Variants in MYADM observed in about 807,000 individuals in gnomAD.
The protein encoded by MYADM is myeloid-associated differentiation marker.
For synonymous variants in MYADM, 224 were observed against 210.2 expected (o/e 1.07, Z -0.57); for missense variants, 416 against 443.4 (o/e 0.94, Z 0.56).
In MYADM at chr19:53,874,776, T is replaced by A; in HGVS notation, c.*278T>A. 1 of 177,968 alleles carries A rather than the reference T, an allele frequency of 5.6e-6. No individual in the cohort carries two copies. The highest frequency in any genetic ancestry group is 7.1e-5 in the Admixed American group (1 of 14,056). 11.0% of individuals were successfully genotyped at this position (177,968 alleles called of 1,614,324 possible). A position where few individuals can be genotyped will look rare whatever the true frequency, so the allele number is the denominator to read the frequency against. ...GCTGTTTCTCTTTTTCTTTTCTTTT[T>A]TTTTTTTTTTTTTTTTTAAGACGGA... On this transcript the variant is annotated 3_prime_UTR_variant, in exon 3 of 3. Coordinates refer to ENST00000391770, the MANE Select transcript of MYADM (RefSeq NM_138373.5).
rs3835132 is a variant in MYADM at position 53,875,199 on chromosome 19, C to CGTGTGTGTGTGTGTGTGT, written c.*716_*733dup. The CGTGTGTGTGTGTGTGTGT allele has an allele frequency of 5.2e-4, 70 of 135,688 alleles. 4 individuals are homozygous for CGTGTGTGTGTGTGTGTGT. Among genetic ancestry groups the CGTGTGTGTGTGTGTGTGT allele is most frequent in the African/African-American group, 2.2e-3 (65 of 29,412 alleles). 8.4% of individuals were successfully genotyped at this position (135,688 alleles called of 1,614,324 possible). A position where few individuals can be genotyped will look rare whatever the true frequency, so the allele number is the denominator to read the frequency against. Reference sequence around the variant, plus strand: ...CTCGCTGTGCCTTAGTCAGTGTGTACGTGTGTGTGTGTGTGTGTGTGTGTG... The same window carrying CGTGTGTGTGTGTGTGTGT: ...CTCGCTGTGCCTTAGTCAGTGTGTACGTGTGTGTGTGTGTGTGTGTGTGTGTGTGTGTGTGTGTGTGTG... On this transcript the variant is annotated 3_prime_UTR_variant, in exon 3 of 3. Coordinates refer to ENST00000391770, the MANE Select transcript of MYADM (RefSeq NM_138373.5).
chr19:53,867,800 C>A, upstream of MYADM: 1 of 152,990 alleles, frequency 6.5e-6, no homozygotes, highest in South Asian at 1.9e-4. Context: ...GTCCACCGCC[C>A]TAGCCGGAGC....
In MYADM at chr19:53,874,696, C is replaced by T. The variant is rs888200062; in HGVS notation, c.*198C>T. 2 of 505,446 alleles carry T rather than the reference C, an allele frequency of 4.0e-6. No homozygotes were observed. The highest frequency in any genetic ancestry group is 4.6e-5 in the South Asian group (1 of 21,958). 31.3% of individuals were successfully genotyped at this position (505,446 alleles called of 1,614,324 possible). On this transcript the variant is annotated 3_prime_UTR_variant, in exon 3 of 3. Coordinates refer to ENST00000391770, the MANE Select transcript of MYADM (RefSeq NM_138373.5). ...ATGCATCTTCTTCCTTCCCTTTCCT[C>T]TTGCTGTTTCCTTCCTGTGTTGTTT...
intron 2 of MYADM, among the ~76,000 whole-genome samples, chr19:53,871,302 G>A (rs2068381815): frequency 6.6e-6 from 1 of 152,178 alleles, no homozygotes; most frequent in South Asian, 2.1e-4. Flanking sequence ...GGTTCCTACT[G>A]GACAGTTGGA....
rs138215861 is a variant in MYADM, at chr19:53,873,199, G to C, written c.-2-329G>C. ...ATCCTGGCTAACACAGTGAAACCCC[G>C]TCTCTACTAAAAATACAAAAAAATT... On this transcript the variant is annotated intron_variant, in intron 2 of 2. Coordinates refer to ENST00000391770, the MANE Select transcript of MYADM (RefSeq NM_138373.5). The surrounding 1 kb of genome is among the most constrained non-coding windows in gnomAD (Gnocchi z 4.3). Among the ~76,000 whole-genome samples the C allele has an allele frequency of 6.6e-6, 1 of 152,014 alleles. No individual in the cohort carries two copies. The highest frequency in any genetic ancestry group is 1.5e-5 in the Non-Finnish European group (1 of 68,006).
At chr19:53,866,322 C>T (rs2068244209), upstream of MYADM, 1 of 151,972 alleles carries the variant, frequency 6.6e-6, no homozygotes, top group Non-Finnish European at 1.5e-5. This position sits in a 1 kb window ranked among gnomAD's most constrained non-coding sequence, Gnocchi z 4.3. Flanking sequence ...AGACGCGCCC[C>T]GTTAGCTCAG....
In MYADM at chr19:53,874,322, G is replaced by C. The variant is rs377284445; in HGVS notation, c.793G>C (p.Glu265Gln). Residue 265 changes from glutamate to glutamine, a missense_variant, in exon 3 of 3, where the codon GAG becomes CAG. Physicochemically the swap from Glu to Gln is conservative, Grantham distance 29 (BLOSUM62 2). Coordinates refer to ENST00000391770, the MANE Select transcript of MYADM (RefSeq NM_138373.5). Reference protein sequence around the residue: ...LVLWPLYQFDEKYGGQPRRSR... With the variant: ...LVLWPLYQFDQKYGGQPRRSR... Reference sequence around the variant, plus strand: ...TCTCTGGCCCCTCTACCAGTTCGATGAGAAGTATGGCGGCCAGCCTCGGCG... The same window carrying C: ...TCTCTGGCCCCTCTACCAGTTCGATCAGAAGTATGGCGGCCAGCCTCGGCG... The C allele has an allele frequency of 1.1e-5, 18 of 1,612,472 alleles. No individual in the cohort carries two copies. Among genetic ancestry groups the C allele is most frequent in the African/African-American group, 1.3e-5 (1 of 75,044 alleles).
upstream of MYADM, among the ~76,000 whole-genome samples, chr19:53,867,650 G>A (rs2068265023): frequency 6.6e-6 from 1 of 152,178 alleles, no homozygotes; most frequent in Admixed American, 6.5e-5. Flanking sequence ...TTGTCACCAC[G>A]GCAACCGTGA....
rs1375950556 is a variant in MYADM, at chr19:53,876,051, A to G, written c.*1553A>G. On this transcript the variant is annotated 3_prime_UTR_variant, in exon 3 of 3. Transcript: ENST00000391770. The stretch of plus-strand genomic sequence containing the variant: ...TTGTTTTTCTTTCTTTTTCCTGGCC[A>G]TGAGGACAAAAATTACTGAGTGGCC... 1 of 166,996 alleles carries G rather than the reference A, an allele frequency of 6.0e-6. No individual in the cohort carries two copies. Among genetic ancestry groups the G allele is most frequent in the East Asian group, 1.9e-4 (1 of 5,194 alleles). The allele number at this position is 166,996 out of a possible 1,614,324, so 10.3% of individuals were successfully genotyped here. A position where few individuals can be genotyped will look rare whatever the true frequency, so the allele number is the denominator to read the frequency against.
chr19:53,867,511 A>G (rs1461413547), upstream of MYADM, among the ~76,000 whole-genome samples: 1 of 152,110 alleles, frequency 6.6e-6, no homozygotes, highest in African/African-American at 2.4e-5. Flanking sequence ...TGCACTAAAC[A>G]AACCCTAAAC....
At position 53,874,570 on chromosome 19, in the gene MYADM, ACTT is replaced by A; in HGVS notation, c.*76_*78del. On this transcript the variant is annotated 3_prime_UTR_variant, in exon 3 of 3. Transcript: ENST00000391770. The stretch of plus-strand genomic sequence containing the variant: ...CTTGCCCGAGTTTTCTTTATGGAGT[ACTT>A]CTTTCCTCCGCCTTTCCTCTGTTTT... The A allele has an allele frequency of 2.7e-6, 4 of 1,476,876 alleles. No individual in the cohort carries two copies. Among genetic ancestry groups the A allele is most frequent in the Non-Finnish European group, 3.6e-6 (4 of 1,108,542 alleles). 91.5% of individuals were successfully genotyped at this position (1,476,876 alleles called of 1,614,324 possible).
intron 2 of MYADM, among the ~76,000 whole-genome samples, chr19:53,871,903 T>C (rs2068397195): frequency 6.6e-6 from 1 of 152,018 alleles, no homozygotes; most frequent in African/African-American, 2.4e-5. Flanking sequence ...TTTATTATTT[T>C]ATTTTATTTT....
Position 53,874,316 on chromosome 19 carries a change from T to C in MYADM, c.787T>C (p.Phe263Leu). ...TALVLWPLYQFDEKYGGQPRR... is the reference protein window; with the variant it reads ...TALVLWPLYQLDEKYGGQPRR... ...CCTTGTTCTCTGGCCCCTCTACCAG[T>C]TCGATGAGAAGTATGGCGGCCAGCC... Residue 263 changes from phenylalanine to leucine, a missense_variant, in exon 3 of 3, where the codon TTC becomes CTC. Physicochemically the swap from Phe to Leu is conservative, Grantham distance 22 (BLOSUM62 0). Transcript: ENST00000391770. 6.2e-7 allele frequency: 1 copy of C among 1,612,070 alleles called. No individual in the cohort carries two copies. Among genetic ancestry groups the C allele is most frequent in the Non-Finnish European group, 8.5e-7 (1 of 1,178,408 alleles).
intron 2 of MYADM, among the ~76,000 whole-genome samples, chr19:53,871,051 C>T (rs1170330151): frequency 3.9e-5 from 6 of 151,936 alleles, no homozygotes; most frequent in Non-Finnish European, 7.4e-5. Flanking sequence ...GCCAACATGG[C>T]GAAACCCCAT....
chr19:53,871,217 C>T (rs980927251), intron 2 of MYADM, among the ~76,000 whole-genome samples: 1 of 151,938 alleles, frequency 6.6e-6, no homozygotes, highest in Non-Finnish European at 1.5e-5. Flanking sequence ...GGTGACAGAG[C>T]GACTCCATGT....
Position 53,874,551 on chromosome 19 carries a change from C to A in MYADM, c.*53C>A. 1 of 1,509,432 alleles carries A rather than the reference C, an allele frequency of 6.6e-7. No individual in the cohort carries two copies. The highest frequency in any genetic ancestry group is 1.3e-5 in the South Asian group (1 of 74,606). The allele number at this position is 1,509,432 out of a possible 1,614,324, so 93.5% of individuals were successfully genotyped here. On this transcript the variant is annotated 3_prime_UTR_variant, in exon 3 of 3. Transcript: ENST00000391770. ...CTCCAACCTCTTTGTTCTTCTTGCC[C>A]GAGTTTTCTTTATGGAGTACTTCTT...
At chr19:53,866,852 C>A (rs901143514), upstream of MYADM, among the ~76,000 whole-genome samples, 12 of 152,196 alleles carry the variant, frequency 7.9e-5, no homozygotes, top group Admixed American at 3.3e-4. The surrounding 1 kb of genome is among the most constrained non-coding windows in gnomAD (Gnocchi z 4.3). Flanking sequence ...TTTAATAGAG[C>A]AGAGTCTCCT....
chr19:53,871,105 C>G (rs1164311322), intron 2 of MYADM, among the ~76,000 whole-genome samples: 1 of 152,214 alleles, frequency 6.6e-6, no homozygotes, highest in Admixed American at 6.5e-5. Context: ...GTGGCACACA[C>G]CTGTAATCCC....
chr19:53,873,695 A>G lies in MYADM; in HGVS notation c.166A>G (p.Ser56Gly), dbSNP rs2068444422. 6.2e-7 allele frequency: 1 copy of G among 1,613,932 alleles called. No individual in the cohort carries two copies. Among genetic ancestry groups the G allele is most frequent in the Non-Finnish European group, 8.5e-7 (1 of 1,179,984 alleles). ...STCVAFSLVA[S>G]VGAWTGSMGN... ...CTGCGTGGCCTTCTCGCTGGTGGCT[A>G]GCGTGGGCGCCTGGACGGGGTCCAT... Residue 56 changes from serine to glycine, a missense_variant, in exon 3 of 3, where the codon AGC becomes GGC. Ser to Gly is a moderately conservative substitution (Grantham distance 56). Coordinates refer to ENST00000391770, the MANE Select transcript of MYADM (RefSeq NM_138373.5). This position sits in a 1 kb window ranked among gnomAD's most constrained non-coding sequence, Gnocchi z 4.3.
Sources: gnomAD v4.1 joint callset for allele counts (sites outside exome capture counted in the v4.1 genomes callset) on GRCh38, gnomAD v4.1.1 for gene constraint, Gnocchi (gnomAD v3.1) non-coding constraint, MANE v1.5 for transcripts, NCBI Gene and HGNC (gene_info 2026-07-23, HGNC 2026-07-21) for gene names.